Variants in GLRA3 observed in about 807,000 individuals in gnomAD.
GLRA3 encodes glycine receptor subunit alpha-3.
A neutral mutation model predicts 60.4 loss-of-function variants in GLRA3; 44 were observed. The ratio of observed to expected loss-of-function variants is 0.73; its 90% CI spans 0.57 to 0.94. The LOEUF (loss-of-function observed/expected upper bound fraction) is 0.94. Among genes scored for constraint, GLRA3 ranks in the 40% least tolerant of loss-of-function variants. The pLI is 0.00. For missense variants in GLRA3, 508 were observed against 564.6 expected (o/e 0.90, Z 1.02); for synonymous variants, 223 against 192.9 (o/e 1.16, Z -1.29).
chr4:174,772,830 T>C (rs1311203467), intron 2 of GLRA3, among the ~76,000 whole-genome samples: 1 of 152,040 alleles, frequency 6.6e-6, no homozygotes, highest in Non-Finnish European at 1.5e-5. Flanking sequence ...TTTATGATAA[T>C]AGTCTGGGAT....
intron 5 of GLRA3, among the ~76,000 whole-genome samples, chr4:174,693,401 T>G (rs61513202): frequency 0.058 from 8,859 of 152,256 alleles, 302 homozygotes; most frequent in South Asian, 0.12. Flanking sequence ...CCAGCACCAT[T>G]TATTGAATAG....
intron 3 of GLRA3, among the ~76,000 whole-genome samples, chr4:174,745,240 A>T (rs994770584): frequency 2.6e-5 from 4 of 152,214 alleles, no homozygotes; most frequent in Non-Finnish European, 4.4e-5. Flanking sequence ...GAAATAATAG[A>T]TGAATACTTC....
chr4:174,787,139 G>T (rs985962599), intron 2 of GLRA3, among the ~76,000 whole-genome samples: 1 of 151,964 alleles, frequency 6.6e-6, no homozygotes, highest in Non-Finnish European at 1.5e-5. Flanking sequence ...CAAGAGAATG[G>T]CAAAAGCACT....
intron 7 of GLRA3, among the ~76,000 whole-genome samples, chr4:174,675,633 A>C (rs1734089835): frequency 6.6e-6 from 1 of 152,184 alleles, no homozygotes; most frequent in Admixed American, 6.6e-5. Flanking sequence ...ATCCTTACGT[A>C]AATAAGCATT....
intron 4 of GLRA3, among the ~76,000 whole-genome samples, chr4:174,723,562 T>C (rs761667525): frequency 2.2e-4 from 33 of 152,078 alleles, no homozygotes; most frequent in East Asian, 1.9e-4. Context: ...ATAAATAATC[T>C]AGATATTCTA....
intron 9 of GLRA3, among the ~76,000 whole-genome samples, chr4:174,646,838 A>G (rs946116276): frequency 2.0e-5 from 3 of 152,156 alleles, no homozygotes; most frequent in Admixed American, 1.3e-4. Context: ...GGAACCTCAA[A>G]TCTCAGCAGT....
chr4:174,752,140 A>G (rs754986436), intron 3 of GLRA3, among the ~76,000 whole-genome samples: 1 of 152,164 alleles, frequency 6.6e-6, no homozygotes, highest in Non-Finnish European at 1.5e-5. Flanking sequence ...GTATATTTAG[A>G]ATCAGAATTT....
chr4:174,785,250 A>G (rs932883590), intron 2 of GLRA3, among the ~76,000 whole-genome samples: 1 of 152,104 alleles, frequency 6.6e-6, no homozygotes, highest in Non-Finnish European at 1.5e-5. Flanking sequence ...ATTTTTGTAA[A>G]TGTTAGAAGT....
At chr4:174,692,009 G>A (rs193145762) in intron 5 of GLRA3, among the ~76,000 whole-genome samples, 1,746 of 149,526 alleles carry the variant, frequency 0.012, 38 homozygotes, top group African/African-American at 0.04. Context: ...CCGCCGCCCC[G>A]TCTGGGATGT....
chr4:174,695,110 G>A (rs1265942876), intron 5 of GLRA3, among the ~76,000 whole-genome samples: 2 of 151,886 alleles, frequency 1.3e-5, no homozygotes, highest in Non-Finnish European at 2.9e-5. Flanking sequence ...AAAAATGCCT[G>A]GGAGCTGAAA....
intron 4 of GLRA3, among the ~76,000 whole-genome samples, chr4:174,717,237 G>C (rs560363702): frequency 1.5e-5 from 2 of 135,992 alleles, no homozygotes; most frequent in African/African-American, 5.4e-5. Flanking sequence ...AGAAAGGAAG[G>C]CATGCAGGAA....
Position 174,677,206 on chromosome 4 carries a change from T to C in GLRA3, c.799A>G (p.Ile267Val), listed in dbSNP as rs1414229599. The C allele has an allele frequency of 4.3e-6, 7 of 1,611,930 alleles. No individual in the cohort carries two copies. The highest frequency in any genetic ancestry group is 1.3e-5 in the African/African-American group (1 of 74,862). Residue 267 changes from isoleucine (I) to valine (V), a missense_variant, in exon 7 of 10, where the codon ATT becomes GTT. This residue lies in a region of GLRA3 where 329 missense variants were observed against 349.3 expected (regional missense o/e 0.94). Transcript: ENST00000274093. Reference sequence around the variant, plus strand: ...AATGAAACCCAGGATAGAATAACAATCAGGAGACTGGGAATGTACATCTGG... The same window carrying C: ...AATGAAACCCAGGATAGAATAACAACCAGGAGACTGGGAATGTACATCTGG... ...LIQMYIPSLL[I>V]VILSWVSFWI...
At chr4:174,659,466 C>G (rs1733351809) in intron 7 of GLRA3, among the ~76,000 whole-genome samples, 1 of 151,986 alleles carries the variant, frequency 6.6e-6, no homozygotes, top group African/African-American at 2.4e-5. Flanking sequence ...ACCTTCAGAA[C>G]AGTATACTGC....
Position 174,728,491 on chromosome 4 carries a change from C to T in GLRA3, c.475G>A (p.Val159Ile). The T allele has an allele frequency of 1.3e-6, 2 of 1,588,512 alleles. No homozygotes were observed. Among genetic ancestry groups the T allele is most frequent in the Non-Finnish European group, 1.7e-6 (2 of 1,157,350 alleles). Residue 159 changes from valine to isoleucine, a missense_variant, in exon 4 of 10, where the codon GTT becomes ATT. By Grantham distance (29) the Val-to-Ile change is conservative (BLOSUM62 3). Transcript: ENST00000274093. ...ACGACTCACCTTATTGAATAAAGAA[C>T]ATTTCCATTTTTGAAAATTCTTAGC... ...KLLRIFKNGN[V>I]LYSIRLTLTL... is the part of the protein sequence containing the mutation.
chr4:174,816,246 TG>T (rs1405017175), intron 1 of GLRA3, among the ~76,000 whole-genome samples: 1 of 152,120 alleles, frequency 6.6e-6, no homozygotes, highest in Non-Finnish European at 1.5e-5. Context: ...CAGTCTTCAG[TG>T]TGTGAGCTGG....
chr4:174,821,135 A>G (rs1740725887), intron 1 of GLRA3, among the ~76,000 whole-genome samples: 1 of 152,220 alleles, frequency 6.6e-6, no homozygotes, highest in South Asian at 2.1e-4. Context: ...AATGACATAG[A>G]AATGAAAATA....
intron 9 of GLRA3, among the ~76,000 whole-genome samples, chr4:174,645,214 C>T (rs1732767293): frequency 6.6e-6 from 1 of 151,732 alleles, no homozygotes; most frequent in Admixed American, 6.6e-5. Flanking sequence ...GAGATCGAGA[C>T]CATCTTGGAC....
chr4:174,650,102 G>T (rs1436647365), intron 9 of GLRA3, among the ~76,000 whole-genome samples: 2 of 152,122 alleles, frequency 1.3e-5, no homozygotes, highest in South Asian at 4.1e-4. Flanking sequence ...GCAAGGTCCA[G>T]CCCCATGAGT....
intron 3 of GLRA3, among the ~76,000 whole-genome samples, chr4:174,747,067 A>G (rs1302436071): frequency 1.3e-5 from 2 of 152,192 alleles, no homozygotes; most frequent in African/African-American, 4.8e-5. Flanking sequence ...ATCAAACTAC[A>G]TATATTATGG....
Sources: gnomAD v4.1 joint callset for allele counts (sites outside exome capture counted in the v4.1 genomes callset) on GRCh38, gnomAD v4.1.1 for gene constraint, gnomAD v4.1.1 regional missense constraint, MANE v1.5 for transcripts, NCBI Gene and HGNC (gene_info 2026-07-23, HGNC 2026-07-21) for gene names.